The following RNF144A variants were observed in gnomAD, a reference collection of about 807,000 sequenced individuals.
RNF144A encodes E3 ubiquitin-protein ligase RNF144A.
A neutral mutation model predicts 38.7 loss-of-function variants in RNF144A; 11 were observed. That is an observed-to-expected ratio of 0.28 (90% CI 0.18 to 0.47). RNF144A has a LOEUF of 0.47. RNF144A is among the 20% of genes least tolerant of loss of function. The pLI is 0.99. For missense variants in RNF144A, 316 were observed against 377.2 expected (o/e 0.84, Z 1.34); for synonymous variants, 149 against 143.9 (o/e 1.04, Z -0.25).
At chr2:7,025,668 T>C (rs1397541077) in intron 7 of RNF144A, among the ~76,000 whole-genome samples, 1 of 152,044 alleles carries the variant, frequency 6.6e-6, no homozygotes, top group Non-Finnish European at 1.5e-5. Context: ...TGAGACTCCA[T>C]CTCAAAAAAT....
intron 2 of RNF144A, among the ~76,000 whole-genome samples, chr2:6,966,940 C>A (rs550132556): frequency 6.6e-6 from 1 of 152,176 alleles, no homozygotes; most frequent in Non-Finnish European, 1.5e-5. Context: ...CCATGCTTCT[C>A]CCCTGTACAG....
chr2:6,984,301 C>G (rs1668817616), intron 2 of RNF144A, among the ~76,000 whole-genome samples: 1 of 151,516 alleles, frequency 6.6e-6, no homozygotes, highest in Non-Finnish European at 1.5e-5. Flanking sequence ...TTTCTTTTTT[C>G]TTTTCTTTTT....
chr2:7,003,988 A>C (rs763263328), intron 3 of RNF144A, among the ~76,000 whole-genome samples: 6 of 152,240 alleles, frequency 3.9e-5, no homozygotes, highest in Non-Finnish European at 5.9e-5. Context: ...TAGCTCCCAA[A>C]CTAATGAATG....
At position 7,010,935 on chromosome 2, in the gene RNF144A, C is replaced by T. The variant is rs116106909; in HGVS notation, c.136-3519C>T. Among the ~76,000 whole-genome samples, 430 of 152,134 alleles carry T rather than the reference C, an allele frequency of 2.8e-3. 1 individual carries two copies. The highest frequency in any genetic ancestry group is 9.9e-3 in the African/African-American group (412 of 41,492). Reference sequence around the variant, plus strand: ...CCTCTTTCCCCTACACTGGGCTGTGCGGGTCTCAATAGCATTTGCAGCATT... The same window carrying T: ...CCTCTTTCCCCTACACTGGGCTGTGTGGGTCTCAATAGCATTTGCAGCATT... On this transcript the variant is annotated intron_variant, in intron 3 of 8. Transcript: ENST00000320892.
chr2:7,011,351 A>G (rs1433759758), intron 3 of RNF144A, among the ~76,000 whole-genome samples: 1 of 152,222 alleles, frequency 6.6e-6, no homozygotes, highest in Non-Finnish European at 1.5e-5. Context: ...GTTGTATGTT[A>G]TATCTCTAAA....
At chr2:7,052,382 A>G (rs1352030711) in intron 6 of RNF144A, among the ~76,000 whole-genome samples, 2 of 152,164 alleles carry the variant, frequency 1.3e-5, no homozygotes, top group Non-Finnish European at 2.9e-5. Flanking sequence ...CATTTTATAG[A>G]TCAGAAAACC....
At position 6,972,484 on chromosome 2, in the gene RNF144A, G is replaced by A. The variant is rs138803983; in HGVS notation, c.-11-24432G>A. On this transcript the variant is annotated intron_variant, in intron 2 of 8. Transcript: ENST00000320892. ...GATTGGGTGGAACGGAAATAGCCCC[G>A]GGGGGTTTGTTCCTTGAGCTAATTG... 8.1e-3 allele frequency among the ~76,000 whole-genome samples: 1,226 copies of A among 152,238 alleles called. 29 individuals are homozygous for A. The highest frequency in any genetic ancestry group is 0.028 in the African/African-American group (1,164 of 41,536).
intron 6 of RNF144A, among the ~76,000 whole-genome samples, chr2:7,052,290 CT>C (rs1163234491): frequency 6.6e-6 from 1 of 152,210 alleles, no homozygotes; most frequent in East Asian, 1.9e-4. Flanking sequence ...AGCTCACTGC[CT>C]AGCATCTAAC....
At chr2:6,931,911 T>A (rs1665229560) in intron 1 of RNF144A, among the ~76,000 whole-genome samples, 1 of 152,252 alleles carries the variant, frequency 6.6e-6, no homozygotes, top group African/African-American at 2.4e-5. Flanking sequence ...GATGGAGTAT[T>A]CTTTATCAAG....
At chr2:6,930,476 C>T (rs1337773617) in intron 1 of RNF144A, among the ~76,000 whole-genome samples, 1 of 151,944 alleles carries the variant, frequency 6.6e-6, no homozygotes, top group East Asian at 1.9e-4. Context: ...AATTTTGTTA[C>T]TCCATATATA....
At chr2:7,008,257 T>C (rs1412141590) in intron 3 of RNF144A, among the ~76,000 whole-genome samples, 2 of 152,186 alleles carry the variant, frequency 1.3e-5, no homozygotes, top group African/African-American at 4.8e-5. Flanking sequence ...TGGCAGCGGG[T>C]GCGTGGTCAC....
intron 3 of RNF144A, among the ~76,000 whole-genome samples, chr2:7,008,713 G>A (rs1288668632): frequency 2.0e-5 from 3 of 152,178 alleles, no homozygotes; most frequent in East Asian, 1.9e-4. Context: ...TGGAAGGGGC[G>A]GTCTCTTCCT....
At chr2:7,032,174 G>A (rs578195812) in intron 8 of RNF144A, among the ~76,000 whole-genome samples, 5 of 152,336 alleles carry the variant, frequency 3.3e-5, no homozygotes, top group South Asian at 2.1e-4. Context: ...CACGTGGCCC[G>A]GCACGGCTTG....
intron 3 of RNF144A, among the ~76,000 whole-genome samples, chr2:6,998,799 C>G (rs902078139): frequency 1.3e-5 from 2 of 151,274 alleles, no homozygotes; most frequent in African/African-American, 4.9e-5. Context: ...AAGATGGATT[C>G]AATAACTAGC....
chr2:6,927,372 G>T (rs1335193246), intron 1 of RNF144A, among the ~76,000 whole-genome samples: 1 of 152,188 alleles, frequency 6.6e-6, no homozygotes, highest in Non-Finnish European at 1.5e-5. Context: ...CTGCTTCCTT[G>T]ACAGTGACCT....
chr2:6,919,758 C>T (rs1256891136), intron 1 of RNF144A, among the ~76,000 whole-genome samples: 3 of 152,116 alleles, frequency 2.0e-5, no homozygotes. Flanking sequence ...TTTCCAGACC[C>T]AGTGCAATTT....
rs1262966484 is a variant in RNF144A at position 6,925,160 on chromosome 2, C to G, written c.-212+7538C>G. On this transcript the variant is annotated intron_variant, in intron 1 of 8. Transcript: ENST00000320892. ...TAGATCTGAACTCTCTTGACTAAAA[C>G]ACTTGCATTTCCTTCTAACCACTTG... 2.0e-5 allele frequency among the ~76,000 whole-genome samples: 3 copies of G among 152,210 alleles called. No individual in the cohort carries two copies. In the East Asian group the frequency reaches 5.8e-4, roughly 29 times the overall value.
the RNF144A span, among the ~76,000 whole-genome samples, chr2:7,073,700 C>T: frequency 7.9e-5 from 12 of 152,218 alleles, no homozygotes; most frequent in Admixed American, 3.3e-4. Context: ...CTATGCCAGA[C>T]GCTGTTCTAA....
chr2:6,959,524 G>T (rs563315637), intron 2 of RNF144A, among the ~76,000 whole-genome samples: 2 of 152,136 alleles, frequency 1.3e-5, no homozygotes, highest in South Asian at 4.1e-4. Flanking sequence ...CACAGTCCTG[G>T]AGGCTGGGAA....
Sources: allele counts gnomAD v4.1 joint callset (sites outside exome capture counted in the v4.1 genomes callset), GRCh38; gene constraint gnomAD v4.1.1; transcripts MANE v1.5; gene names NCBI Gene and HGNC (gene_info 2026-07-23, HGNC 2026-07-21).